Variants in AGBL1 observed in about 807,000 individuals in gnomAD.
AGBL1 encodes the protein AGBL carboxypeptidase 1, also known as cytosolic carboxypeptidase 4.
Under a neutral mutation model 118.9 loss-of-function variants are expected in AGBL1, and 130 were observed. The ratio of observed to expected loss-of-function variants is 1.09; its 90% CI spans 0.95 to 1.26. The LOEUF (loss-of-function observed/expected upper bound fraction) is 1.26, where lower values mean the gene tolerates loss of function less well. Ranked by LOEUF, AGBL1 falls within the 50% of genes most tolerant of loss-of-function variation. The pLI, the probability that AGBL1 is intolerant of heterozygous loss-of-function variation, is 0.00. For synonymous variants in AGBL1, 555 were observed against 478.9 expected (o/e 1.16, Z -2.08); for missense variants, 1,584 against 1,298.1 (o/e 1.22, Z -3.38).
intron 1 of AGBL1, among the ~76,000 whole-genome samples, chr15:86,120,139 C>T (rs1209776974): frequency 4.6e-5 from 7 of 152,158 alleles, no homozygotes; most frequent in Admixed American, 4.6e-4. Context: ...AAAATCTAAA[C>T]TCCCCATCCT....
intron 3 of AGBL1, among the ~76,000 whole-genome samples, chr15:86,152,092 C>T (rs1365068828): frequency 2.0e-5 from 3 of 152,120 alleles, no homozygotes; most frequent in Non-Finnish European, 4.4e-5. Context: ...GGCCATACTG[C>T]CCGAAGTAAT....
At chr15:86,660,499 A>G (rs1269784478) in intron 21 of AGBL1, among the ~76,000 whole-genome samples, 2 of 152,194 alleles carry the variant, frequency 1.3e-5, no homozygotes, top group Non-Finnish European at 2.9e-5. Flanking sequence ...AAACAGAGCA[A>G]AGTTTTAGAA....
rs531373030 is a variant in AGBL1 at position 86,159,769 on chromosome 15, T to C, written c.488+743T>C. ...AAGATAGATGGGATCATTTGGCAAG[T>C]AACATTTCCATGCCCAACCATGATA... On this transcript the variant is annotated intron_variant, in intron 5 of 22. Transcript: ENST00000614907. Among the ~76,000 whole-genome samples the C allele has an allele frequency of 2.2e-4, 33 of 152,240 alleles. No homozygotes were observed. In the South Asian group the frequency reaches 6.8e-3, roughly 32 times the overall value.
intron 22 of AGBL1, among the ~76,000 whole-genome samples, chr15:86,877,758 CA>C (rs2079831377): frequency 1.3e-5 from 2 of 152,218 alleles, no homozygotes; most frequent in Admixed American, 1.3e-4. Context: ...CATAATTTAA[CA>C]GCTTCTCTCC....
chr15:86,312,066 C>A (rs1038393930), intron 17 of AGBL1: 1 of 152,218 alleles, frequency 6.6e-6, no homozygotes, highest in South Asian at 2.1e-4. Context: ...CTTCATTTCT[C>A]TGTTAGAGTA....
intron 21 of AGBL1, among the ~76,000 whole-genome samples, chr15:86,620,276 T>A (rs1018732446): frequency 6.6e-6 from 1 of 152,220 alleles, no homozygotes; most frequent in Non-Finnish European, 1.5e-5. Flanking sequence ...ACCTCAGACT[T>A]ACATGTTTAC....
chr15:86,225,917 T>C (rs1329175948), intron 6 of AGBL1, among the ~76,000 whole-genome samples: 1 of 152,174 alleles, frequency 6.6e-6, no homozygotes, highest in African/African-American at 2.4e-5. Flanking sequence ...TTTATAGGCT[T>C]AGAAAAATTG....
At chr15:86,225,021 C>T (rs2078338318) in intron 6 of AGBL1, 70 bp downstream of exon 6, 1 of 1,462,718 alleles carries the variant, frequency 6.8e-7, no homozygotes, top group African/African-American at 1.4e-5. Context: ...TTTCTGGTCC[C>T]CATGGCTGTT....
chr15:86,147,790 A>G (rs750723401), intron 3 of AGBL1, among the ~76,000 whole-genome samples: 13 of 152,346 alleles, frequency 8.5e-5, no homozygotes, highest in Middle Eastern at 3.4e-3. Flanking sequence ...CTGAGAACAG[A>G]CAGACTGCCT....
intron 18 of AGBL1, among the ~76,000 whole-genome samples, chr15:86,412,177 C>T (rs1170172059): frequency 1.3e-5 from 2 of 152,188 alleles, no homozygotes; most frequent in African/African-American, 4.8e-5. Flanking sequence ...CTTAACTAGT[C>T]TATACAGACA....
intron 21 of AGBL1, among the ~76,000 whole-genome samples, chr15:86,635,300 C>CCCTCCT (rs567443527): frequency 1.1e-3 from 51 of 46,402 alleles, no homozygotes; most frequent in African/African-American, 2.0e-3. Context: ...CCTCCCCCTC[C>CCCTCCT]CCTCCTCCTC....
chr15:86,930,349 C>G (rs2080590594), intron 23 of AGBL1, among the ~76,000 whole-genome samples: 3 of 152,076 alleles, frequency 2.0e-5, no homozygotes. Context: ...TTATTTATCA[C>G]TACTATATAA....
At chr15:86,270,927 C>T (rs2079149598) in intron 14 of AGBL1, among the ~76,000 whole-genome samples, 1 of 152,048 alleles carries the variant, frequency 6.6e-6, no homozygotes, top group Admixed American at 6.5e-5. Flanking sequence ...CATTTCCTTT[C>T]CTTTCCCAGC....
intron 17 of AGBL1, among the ~76,000 whole-genome samples, chr15:86,372,050 C>T (rs1382555685): frequency 6.6e-6 from 1 of 152,190 alleles, no homozygotes; most frequent in East Asian, 1.9e-4. Flanking sequence ...TGCTAATGGA[C>T]CCATAGCTGC....
intron 17 of AGBL1, among the ~76,000 whole-genome samples, chr15:86,301,232 T>C (rs1451923867): frequency 6.6e-6 from 1 of 152,130 alleles, no homozygotes; most frequent in Non-Finnish European, 1.5e-5. Context: ...ATGGGATTAC[T>C]GAATTTTAGA....
rs540224746 is a variant in AGBL1 at position 86,347,399 on chromosome 15, C to G, written c.2375-49967C>G. 9.2e-5 allele frequency among the ~76,000 whole-genome samples: 14 copies of G among 152,310 alleles called. No homozygotes were observed. In the East Asian group the frequency reaches 2.7e-3, roughly 29 times the overall value. On this transcript the variant is annotated intron_variant, in intron 17 of 22. Transcript: ENST00000614907. ...GCTAGATTTATCTTGCTACCTGTAA[C>G]AACAGGGTTACGTCCTAGTAGACTG...
At chr15:86,447,007 G>T (rs551639958) in intron 18 of AGBL1, among the ~76,000 whole-genome samples, 6 of 152,152 alleles carry the variant, frequency 3.9e-5, no homozygotes, top group African/African-American at 1.4e-4. Flanking sequence ...AATGCAGATC[G>T]TATACTTTAG....
At chr15:87,021,742 T>C (rs1030007300) in intron 24 of AGBL1, among the ~76,000 whole-genome samples, 8 of 152,166 alleles carry the variant, frequency 5.3e-5, no homozygotes, top group South Asian at 4.1e-4. Context: ...TAGGGAATCA[T>C]GGCAGATGGG....
intron 17 of AGBL1, among the ~76,000 whole-genome samples, chr15:86,333,596 C>G (rs543453790): frequency 6.6e-6 from 1 of 152,296 alleles, no homozygotes; most frequent in East Asian, 1.9e-4. Context: ...CAGAATTCTA[C>G]TAGACATACA....
Sources: gnomAD v4.1 joint callset for allele counts (sites outside exome capture counted in the v4.1 genomes callset) on GRCh38, gnomAD v4.1.1 for gene constraint, MANE v1.5 for transcripts, NCBI Gene and HGNC (gene_info 2026-07-23, HGNC 2026-07-21) for gene names.